WNT2B: variants seen among roughly 807,000 people sequenced by gnomAD.
WNT2B encodes Wnt family member 2B, also known as protein Wnt-2b.
A neutral mutation model predicts 40.5 loss-of-function variants in WNT2B; 19 were observed. The observed-to-expected ratio is 0.47, with a 90% confidence interval of 0.33 to 0.69. The LOEUF (loss-of-function observed/expected upper bound fraction) is 0.69. Ranked by LOEUF, WNT2B falls within the 30% of genes least tolerant of loss-of-function variation. The probability of loss-of-function intolerance (pLI) is 0.02; values close to 1 mark genes in which losing one functional copy is unlikely to be tolerated. For missense variants in WNT2B, 467 were observed against 556.4 expected (o/e 0.84, Z 1.62); for synonymous variants, 220 against 211.9 (o/e 1.04, Z -0.33).
chr1:112,478,273 G>C (rs915773429), intron 1 of WNT2B, among the ~76,000 whole-genome samples: 3 of 151,748 alleles, frequency 2.0e-5, no homozygotes, highest in African/African-American at 7.3e-5. Context: ...AAGTAGGAGA[G>C]AGGGCAGAAA....
At chr1:112,468,641 G>GATT (rs966893330) in intron 1 of WNT2B, among the ~76,000 whole-genome samples, 125 of 151,664 alleles carry the variant, frequency 8.2e-4, no homozygotes, top group Middle Eastern at 3.4e-3. Flanking sequence ...ATTTTAATGG[G>GATT]ATTATTATTA....
chr1:112,496,139 G>C (rs72699046), intron 1 of WNT2B, among the ~76,000 whole-genome samples: 12,211 of 152,090 alleles, frequency 0.08, 920 homozygotes, highest in East Asian at 0.35. Context: ...TTAGAGACAG[G>C]GTCCCCCTCT....
chr1:112,478,175 A>C (rs1171568527), intron 1 of WNT2B, among the ~76,000 whole-genome samples: 1 of 152,128 alleles, frequency 6.6e-6, no homozygotes, highest in Non-Finnish European at 1.5e-5. Flanking sequence ...TCAAGGCTGC[A>C]ATGAGCTGTG....
Position 112,522,039 on chromosome 1 carries a change from A to C in WNT2B, c.*1530A>C, listed in dbSNP as rs144865834. On this transcript the variant is annotated 3_prime_UTR_variant, in exon 5 of 5. Coordinates refer to ENST00000369684, the MANE Select transcript of WNT2B (RefSeq NM_024494.3). Reference sequence around the variant, plus strand: ...CCTGTTCTTTTTTTTCTTTCTTTTTATTTCTTTTAGAGATAGGGTCTCGCT... The same window carrying C: ...CCTGTTCTTTTTTTTCTTTCTTTTTCTTTCTTTTAGAGATAGGGTCTCGCT... 2 of 151,384 alleles carry C rather than the reference A, an allele frequency of 1.3e-5. No homozygotes were observed. The highest frequency in any genetic ancestry group is 4.9e-5 in the African/African-American group (2 of 41,216). The allele number at this position is 151,384 out of a possible 1,614,324, so 9.4% of individuals were successfully genotyped here. A position where few individuals can be genotyped will look rare whatever the true frequency, so the allele number is the denominator to read the frequency against.
At chr1:112,504,627 G>A (rs1400857302), upstream of WNT2B, among the ~76,000 whole-genome samples, 5 of 152,142 alleles carry the variant, frequency 3.3e-5, no homozygotes, top group Non-Finnish European at 4.4e-5. Context: ...GGGGTGGCAG[G>A]GCAAGAGGTG....
chr1:112,517,000 C>T, intron 3 of WNT2B, 121 bp from the exon 4 acceptor site: 1 of 1,358,154 alleles, frequency 7.4e-7, no homozygotes, highest in Non-Finnish European at 1.0e-6. Context: ...ACCGAGAGCT[C>T]AATCGGCCAG....
intron 4 of WNT2B, chr1:112,518,351 G>A (rs1032412575): frequency 6.6e-6 from 1 of 152,200 alleles, no homozygotes; most frequent in Non-Finnish European, 1.5e-5. Context: ...CAGGACTTGG[G>A]TGAAGTGGAG....
At chr1:112,503,400 T>G (rs1464091781) in intron 1 of WNT2B, among the ~76,000 whole-genome samples, 2 of 152,166 alleles carry the variant, frequency 1.3e-5, no homozygotes, top group Non-Finnish European at 2.9e-5. Context: ...TTCTGACTTT[T>G]TACTGGTCCA....
intron 4 of WNT2B, among the ~76,000 whole-genome samples, chr1:112,519,360 T>C (rs1223249564): frequency 6.6e-6 from 1 of 152,252 alleles, no homozygotes; most frequent in Admixed American, 6.5e-5. Flanking sequence ...ATTTGGAGAC[T>C]AATTCTGTAG....
At chr1:112,511,373 A>T (rs1194403812) in intron 1 of WNT2B, among the ~76,000 whole-genome samples, 1 of 152,198 alleles carries the variant, frequency 6.6e-6, no homozygotes, top group Non-Finnish European at 1.5e-5. Flanking sequence ...CACCTGTCAT[A>T]GCTACAGGCC....
exon 1 of WNT2B, chr1:112,467,483 A>G (rs1221748714): frequency 6.5e-6 from 5 of 767,256 alleles, no homozygotes; most frequent in Admixed American, 1.8e-5. Flanking sequence ...CTTAACTGCA[A>G]TCTGTTAACA....
At chr1:112,481,335 GA>G (rs747935238) in intron 1 of WNT2B, among the ~76,000 whole-genome samples, 1 of 152,112 alleles carries the variant, frequency 6.6e-6, no homozygotes, top group East Asian at 1.9e-4. Context: ...AATAGATGCA[GA>G]AAAAACGTTT....
intron 1 of WNT2B, among the ~76,000 whole-genome samples, chr1:112,495,388 A>C (rs1651728995): frequency 6.6e-6 from 1 of 152,068 alleles, no homozygotes; most frequent in Non-Finnish European, 1.5e-5. Flanking sequence ...CATCCTGGCT[A>C]ACATGGTGAA....
chr1:112,495,928 T>G (rs778063267), intron 1 of WNT2B, among the ~76,000 whole-genome samples: 13 of 152,150 alleles, frequency 8.5e-5, no homozygotes, highest in Non-Finnish European at 1.6e-4. Flanking sequence ...CTGCTGGATC[T>G]TCACATGGCA....
intron 1 of WNT2B, among the ~76,000 whole-genome samples, chr1:112,478,407 C>T (rs1357877558): frequency 6.6e-6 from 1 of 151,986 alleles, no homozygotes; most frequent in African/African-American, 2.4e-5. Flanking sequence ...TACATCAAGG[C>T]ATATTATAAT....
chr1:112,483,934 A>G (rs1651316423), intron 1 of WNT2B, among the ~76,000 whole-genome samples: 1 of 150,728 alleles, frequency 6.6e-6, no homozygotes, highest in Non-Finnish European at 1.5e-5. Flanking sequence ...ATCAAATGAA[A>G]TGTCACCTCA....
At chr1:112,517,057 T>C in intron 3 of WNT2B, 64 bp from the exon 4 acceptor site, 2 of 1,563,944 alleles carry the variant, frequency 1.3e-6, no homozygotes, top group Non-Finnish European at 1.7e-6. Flanking sequence ...CTTTTGGACC[T>C]AGGGATGACT....
rs1298101526 is a variant in WNT2B at position 112,509,961 on chromosome 1, T to A, written c.182+517T>A. ...GGAATCGAGGCAAAATTTACCCCAT[T>A]AACTCCCACAATTAAAACAAACAAA... On this transcript the variant is annotated intron_variant, in intron 1 of 4. Coordinates refer to ENST00000369684, the MANE Select transcript of WNT2B (RefSeq NM_024494.3). This position sits in a 1 kb window ranked among gnomAD's most constrained non-coding sequence, Gnocchi z 4.2. Among the ~76,000 whole-genome samples, 1 of 152,152 alleles carries A rather than the reference T, an allele frequency of 6.6e-6. No homozygotes were observed. The highest frequency in any genetic ancestry group is 1.9e-4 in the East Asian group (1 of 5,196).
upstream of WNT2B, among the ~76,000 whole-genome samples, chr1:112,508,182 C>T (rs2101080146): frequency 6.6e-6 from 1 of 152,122 alleles, no homozygotes; most frequent in Non-Finnish European, 1.5e-5. The surrounding 1 kb of genome is among the most constrained non-coding windows in gnomAD (Gnocchi z 4.2). Flanking sequence ...TTCTTTCATA[C>T]TCTCAGCCCC....
Sources: gnomAD v4.1 joint callset for allele counts (sites outside exome capture counted in the v4.1 genomes callset) on GRCh38, gnomAD v4.1.1 for gene constraint, Gnocchi (gnomAD v3.1) non-coding constraint, MANE v1.5 for transcripts, NCBI Gene and HGNC (gene_info 2026-07-23, HGNC 2026-07-21) for gene names.